The following ETNPPL variants were observed in gnomAD, a reference collection of about 807,000 sequenced individuals.
ETNPPL encodes the protein ethanolamine-phosphate phospho-lyase.
A neutral mutation model predicts 55.5 loss-of-function variants in ETNPPL; 30 were observed. The ratio of observed to expected loss-of-function variants is 0.54; its 90% CI spans 0.40 to 0.73. The LOEUF (loss-of-function observed/expected upper bound fraction) is 0.73. Ranked by LOEUF, ETNPPL falls within the 30% of genes least tolerant of loss-of-function variation. ETNPPL has a pLI of 0.00. For synonymous variants in ETNPPL, 202 were observed against 207.2 expected (o/e 0.98, Z 0.21); for missense variants, 528 against 607.9 (o/e 0.87, Z 1.38).
At chr4:108,761,432 T>C (rs1289548148) in intron 1 of ETNPPL, among the ~76,000 whole-genome samples, 2 of 152,222 alleles carry the variant, frequency 1.3e-5, no homozygotes, top group Non-Finnish European at 2.9e-5. Context: ...TAGTATTTTA[T>C]AAGAATTTCT....
intron 11 of ETNPPL, among the ~76,000 whole-genome samples, chr4:108,744,900 T>C (rs1728398063): frequency 6.6e-6 from 1 of 152,008 alleles, no homozygotes; most frequent in African/African-American, 2.4e-5. Flanking sequence ...TTGTATTTTA[T>C]TTTTTGTAGA....
At position 108,749,415 on chromosome 4, in the gene ETNPPL, C is replaced by T. The variant is rs745848519; in HGVS notation, c.750G>A (p.Val250=). Residue 250 remains valine, a synonymous_variant, in exon 8 of 13, where the codon GTG becomes GTA. Coordinates refer to ENST00000296486, the MANE Select transcript of ETNPPL (RefSeq NM_031279.4). ...GGVFIADEVQ[V]GFGRVGKHFW... Reference sequence around the variant, plus strand: ...AATGTTTCCCAACTCTGCCAAAGCCCACTTGAACTTCATCAGCTATAAACA... The same window carrying T: ...AATGTTTCCCAACTCTGCCAAAGCCTACTTGAACTTCATCAGCTATAAACA... 6.2e-7 allele frequency: 1 copy of T among 1,614,080 alleles called. No homozygotes were observed. The highest frequency in any genetic ancestry group is 8.5e-7 in the Non-Finnish European group (1 of 1,180,010).
intron 11 of ETNPPL, among the ~76,000 whole-genome samples, chr4:108,746,137 A>G (rs374125835): frequency 8.5e-5 from 13 of 152,326 alleles, no homozygotes; most frequent in Admixed American, 2.6e-4. Flanking sequence ...GTAAAAATAA[A>G]TGACAAAACT....
chr4:108,761,751 C>T (rs1729517027), intron 1 of ETNPPL, among the ~76,000 whole-genome samples: 2 of 152,188 alleles, frequency 1.3e-5, no homozygotes, highest in Admixed American at 6.5e-5. Flanking sequence ...GGGGAAAGAA[C>T]TGGATTATTT....
At chr4:108,761,919 A>T (rs1329425157) in intron 1 of ETNPPL, among the ~76,000 whole-genome samples, 2 of 152,218 alleles carry the variant, frequency 1.3e-5, no homozygotes, top group Non-Finnish European at 2.9e-5. Context: ...GTGCTCTCTC[A>T]TGCCCACTGG....
At chr4:108,750,882 A>G in intron 7 of ETNPPL, 54 bp downstream of exon 7, 4 of 1,258,190 alleles carry the variant, frequency 3.2e-6, no homozygotes, top group Non-Finnish European at 2.3e-6. Flanking sequence ...ATGGCCCTAC[A>G]GAATTGTCAC....
At chr4:108,759,422 A>AAG (rs1729399073) in intron 3 of ETNPPL, among the ~76,000 whole-genome samples, 1 of 150,392 alleles carries the variant, frequency 6.6e-6, no homozygotes, top group South Asian at 2.1e-4. Context: ...AAAAAAAAAA[A>AAG]AAGTTTTAGC....
intron 5 of ETNPPL, 54 bp from the exon 6 acceptor site, chr4:108,753,065 A>T (rs1190864972): frequency 8.9e-6 from 8 of 900,978 alleles, no homozygotes; most frequent in Non-Finnish European, 1.4e-5. Context: ...GACAAACCTT[A>T]AAAAAAAGGC....
At chr4:108,747,525 C>G (rs926143715) in intron 9 of ETNPPL, among the ~76,000 whole-genome samples, 4 of 151,062 alleles carry the variant, frequency 2.6e-5, no homozygotes, top group Admixed American at 1.3e-4. Context: ...GTCTCAAACT[C>G]CTGGGCTCAA....
chr4:108,762,915 G>T lies in ETNPPL; in HGVS notation c.-17C>A. Reference sequence around the variant, plus strand: ...CTCGCACATGGTGGCGGGGTGCAGGGCGCTGCGAAGGTGCAAGGTGCAAGG... The same window carrying T: ...CTCGCACATGGTGGCGGGGTGCAGGTCGCTGCGAAGGTGCAAGGTGCAAGG... On this transcript the variant is annotated 5_prime_UTR_variant, in exon 1 of 13. Transcript: ENST00000296486. The T allele has an allele frequency of 6.2e-7, 1 of 1,613,716 alleles. No homozygotes were observed. Among genetic ancestry groups the T allele is most frequent in the Non-Finnish European group, 8.5e-7 (1 of 1,179,676 alleles).
intron 7 of ETNPPL, among the ~76,000 whole-genome samples, chr4:108,750,104 G>A (rs1011769308): frequency 1.1e-4 from 16 of 152,174 alleles, no homozygotes; most frequent in Non-Finnish European, 1.8e-4. Context: ...TAATTGGGAA[G>A]GCTTGTGTAA....
chr4:108,761,636 T>G (rs1023251299), intron 1 of ETNPPL, among the ~76,000 whole-genome samples: 2 of 152,232 alleles, frequency 1.3e-5, no homozygotes, highest in Non-Finnish European at 1.5e-5. Context: ...TTTAGAAAAT[T>G]TGTTCTGCTC....
intron 11 of ETNPPL, among the ~76,000 whole-genome samples, chr4:108,745,789 G>C (rs544549849): frequency 6.6e-6 from 1 of 151,262 alleles, no homozygotes; most frequent in Non-Finnish European, 1.5e-5. Context: ...AAATTAGCCC[G>C]GCATGGTGGC....
chr4:108,742,679 TAAC>T, intron 12 of ETNPPL, 67 bp from the exon 13 acceptor site: 1 of 1,582,084 alleles, frequency 6.3e-7, no homozygotes, highest in Non-Finnish European at 8.7e-7. Context: ...AGGACTGACT[TAAC>T]AAGTCCACAC....
intron 5 of ETNPPL, among the ~76,000 whole-genome samples, chr4:108,753,973 C>CTTTTTTTTTTT (rs1213568977): frequency 2.6e-4 from 32 of 122,746 alleles, no homozygotes; most frequent in Non-Finnish European, 3.9e-4. Context: ...TTTTTCTTTT[C>CTTTTTTTTTTT]TTTTTTTTTT....
At chr4:108,759,130 G>A (rs1349340547) in intron 3 of ETNPPL, among the ~76,000 whole-genome samples, 2 of 151,938 alleles carry the variant, frequency 1.3e-5, no homozygotes, top group African/African-American at 4.8e-5. Flanking sequence ...TTTGTATTGG[G>A]GAAATATGCT....
rs1729424615 is a variant in ETNPPL at position 108,759,901 on chromosome 4, G to A, written c.183C>T (p.His61=). The A allele has an allele frequency of 6.2e-7, 1 of 1,613,246 alleles. No individual in the cohort carries two copies. The change falls in exon 3 of 13, where the codon CAC becomes CAT. Residue 61 remains histidine (H), a synonymous_variant. Coordinates refer to ENST00000296486, the MANE Select transcript of ETNPPL (RefSeq NM_031279.4). The part of the protein sequence containing the change: ...DCINNVAHVG[H]CHPGVVKAAL... Reference sequence around the variant, plus strand: ...CAGCTTTGACCACTCCTGGGTGACAGTGTCCCACTAAAATTTATGAAACAA... The same window carrying A: ...CAGCTTTGACCACTCCTGGGTGACAATGTCCCACTAAAATTTATGAAACAA...
At chr4:108,757,241 C>A (rs1729252122) in intron 3 of ETNPPL, among the ~76,000 whole-genome samples, 1 of 152,092 alleles carries the variant, frequency 6.6e-6, no homozygotes, top group Non-Finnish European at 1.5e-5. Context: ...TTCAGACAAT[C>A]TAAATATACT....
In ETNPPL at chr4:108,750,625, A is replaced by ATATATATATATATATATC. The variant is rs1553933962; in HGVS notation, c.701+310_701+311insGATATATATATATATATA. The stretch of plus-strand genomic sequence containing the variant: ...TATGATATATATAGGATATATATAT[A>ATATATATATATATATATC]TCCTATTAGTTTGGTCCCTCTAGAG... On this transcript the variant is annotated intron_variant, in intron 7 of 12. Coordinates refer to ENST00000296486, the MANE Select transcript of ETNPPL (RefSeq NM_031279.4). Among the ~76,000 whole-genome samples the ATATATATATATATATATC allele has an allele frequency of 6.5e-5, 8 of 122,950 alleles. 1 individual carries two copies. Among genetic ancestry groups the ATATATATATATATATATC allele is most frequent in the South Asian group, 2.6e-4 (1 of 3,830 alleles). The allele number at this position is 122,950 out of a possible 152,430, so 80.7% of individuals were successfully genotyped here.
Sources: allele counts gnomAD v4.1 joint callset (sites outside exome capture counted in the v4.1 genomes callset), GRCh38; gene constraint gnomAD v4.1.1; transcripts MANE v1.5; gene names NCBI Gene and HGNC (gene_info 2026-07-23, HGNC 2026-07-21).